Variants in CACNA1B observed in about 807,000 individuals in gnomAD.
The protein encoded by CACNA1B is calcium voltage-gated channel subunit alpha1 B.
Under a neutral mutation model 247.2 loss-of-function variants are expected in CACNA1B, and 70 were observed. The observed-to-expected ratio is 0.28, with a 90% CI of 0.23 to 0.35. The LOEUF is 0.35. Ranked by LOEUF, CACNA1B falls within the 10% of genes least tolerant of loss-of-function variation. The probability of loss-of-function intolerance (pLI) is 1.00; values close to 1 mark genes in which losing one functional copy is unlikely to be tolerated. For synonymous variants in CACNA1B, 1,231 were observed against 1,294.4 expected, an observed-to-expected ratio of 0.95 and a Z score of 1.05; for missense variants, 2,367 against 3,197.4, an observed-to-expected ratio of 0.74 and a Z score of 6.26.
chr9:137,970,481 G>C (rs886176285), intron 10 of CACNA1B, among the ~76,000 whole-genome samples: 2 of 152,158 alleles, frequency 1.3e-5, no homozygotes, highest in African/African-American at 4.8e-5. Flanking sequence ...AAGACAATGT[G>C]GCCCTGTCCT....
intron 36 of CACNA1B, among the ~76,000 whole-genome samples, chr9:138,085,908 C>T (rs1030517051): frequency 6.6e-6 from 1 of 151,274 alleles, no homozygotes; most frequent in Admixed American, 6.6e-5. Flanking sequence ...GGGAGTCCTA[C>T]ATCTGGAAGC....
At chr9:137,937,543 G>A (rs535958521) in intron 6 of CACNA1B, among the ~76,000 whole-genome samples, 47 of 152,272 alleles carry the variant, frequency 3.1e-4, no homozygotes, top group Admixed American at 2.8e-3. Context: ...AACTTCCCTA[G>A]CCTTGCTAGA....
intron 39 of CACNA1B, among the ~76,000 whole-genome samples, chr9:138,109,231 A>C (rs1011510699): frequency 6.6e-6 from 1 of 152,238 alleles, no homozygotes; most frequent in Non-Finnish European, 1.5e-5. Flanking sequence ...AAAGGCAATT[A>C]ATGGAGAAAA....
intron 18 of CACNA1B, among the ~76,000 whole-genome samples, chr9:138,015,323 GA>G (rs1388660624): frequency 1.3e-5 from 2 of 152,158 alleles, no homozygotes; most frequent in Non-Finnish European, 2.9e-5. Flanking sequence ...GACCCTGCAG[GA>G]ATCAACCTTG....
chr9:137,951,934 G>T (rs1005706260), intron 6 of CACNA1B, among the ~76,000 whole-genome samples: 1 of 152,192 alleles, frequency 6.6e-6, no homozygotes, highest in African/African-American at 2.4e-5. Context: ...GCAGAGGTTG[G>T]GTGCTCATGC....
At chr9:137,903,245 G>T (rs1384259675) in intron 3 of CACNA1B, among the ~76,000 whole-genome samples, 4 of 152,120 alleles carry the variant, frequency 2.6e-5, no homozygotes, top group Admixed American at 6.5e-5. Context: ...AATTAGCCAG[G>T]CATGGTGGTG....
rs1017038769 is a variant in CACNA1B at position 138,120,037 on chromosome 9, T to C, written c.6031-128T>C. On this transcript the variant is annotated intron_variant, in intron 44 of 46. Transcript: ENST00000371372. ...CTACCATTTCAGGCCTGGGTCCTTC[T>C]GACTGTGAGACCAGGATGGGGGGCG... The C allele has an allele frequency of 3.8e-6, 3 of 795,166 alleles. No homozygotes were observed. The Admixed American group carries it at 7.7e-5, about 20-fold the overall frequency. 49.3% of individuals were successfully genotyped at this position (795,166 alleles called of 1,614,324 possible). A position where few individuals can be genotyped will look rare whatever the true frequency, so the allele number is the denominator to read the frequency against.
intron 6 of CACNA1B, among the ~76,000 whole-genome samples, chr9:137,930,682 G>A (rs1484832119): frequency 1.3e-5 from 2 of 152,274 alleles, no homozygotes; most frequent in African/African-American, 4.8e-5. Flanking sequence ...AGAGAGAGGT[G>A]TAGAAGTCTC....
At chr9:138,093,403 CAAAAAAAAAAA>C (rs58608297) in intron 36 of CACNA1B, among the ~76,000 whole-genome samples, 3 of 43,256 alleles carry the variant, frequency 6.9e-5, no homozygotes, top group Non-Finnish European at 1.0e-4. Flanking sequence ...GACTCTGTCT[CAAAAAAAAAAA>C]AAAAAAAAAA....
At position 137,950,801 on chromosome 9, in the gene CACNA1B, C is replaced by T. The variant is rs115139232; in HGVS notation, c.967-1473C>T. Among the ~76,000 whole-genome samples the T allele has an allele frequency of 3.0e-3, 452 of 152,328 alleles. 3 individuals are homozygous for T. Among genetic ancestry groups the T allele is most frequent in the African/African-American group, 0.01 (423 of 41,568 alleles). On this transcript the variant is annotated intron_variant, in intron 6 of 46. Transcript: ENST00000371372. This position sits in a 1 kb window ranked among gnomAD's most constrained non-coding sequence, Gnocchi z 4.8. The stretch of plus-strand genomic sequence containing the variant: ...ATATCCTGGGGTCCTAGCTAGTCTG[C>T]TCTATTTTCTCCATCTTTCAGAGTC...
At chr9:137,879,721 T>C (rs1470508862) in intron 2 of CACNA1B, among the ~76,000 whole-genome samples, 1 of 152,198 alleles carries the variant, frequency 6.6e-6, no homozygotes, top group Non-Finnish European at 1.5e-5. Context: ...GCCCCCGTGG[T>C]AGCCCCCATT....
intron 36 of CACNA1B, among the ~76,000 whole-genome samples, chr9:138,086,926 G>A (rs542954887): frequency 6.6e-6 from 1 of 151,014 alleles, no homozygotes; most frequent in East Asian, 2.0e-4. Flanking sequence ...CACAAAACAA[G>A]TCTCAACAAA....
In CACNA1B at chr9:138,026,659, T is replaced by C. The variant is rs140734119; in HGVS notation, c.3286+1487T>C. ...GTCTGTCTTTTGGGCATACCACAGT[T>C]TATTTATTCACCTATTGAAGGACAT... On this transcript the variant is annotated intron_variant, in intron 20 of 46. Coordinates refer to ENST00000371372, the MANE Select transcript of CACNA1B (RefSeq NM_000718.4). Among the ~76,000 whole-genome samples the C allele has an allele frequency of 4.9e-3, 740 of 152,346 alleles. 4 individuals carry two copies. The highest frequency in any genetic ancestry group is 7.4e-3 in the Non-Finnish European group (504 of 68,032).
Position 138,009,993 on chromosome 9 carries a change from C to T in CACNA1B, c.2093-17C>T, listed in dbSNP as rs773990382. On this transcript the variant is annotated splice_polypyrimidine_tract_variant and intron_variant, in intron 16 of 46. Coordinates refer to ENST00000371372, the MANE Select transcript of CACNA1B (RefSeq NM_000718.4). ...CATGTGGGGCAGAGGTTCCCTTCCT[C>T]AGCTGGACCCAACCAGACACTCTGC... The T allele has an allele frequency of 1.9e-6, 3 of 1,610,338 alleles. No individual in the cohort carries two copies. Among genetic ancestry groups the T allele is most frequent in the Non-Finnish European group, 2.5e-6 (3 of 1,176,780 alleles).
chr9:137,911,239 C>G (rs117925844), intron 3 of CACNA1B, among the ~76,000 whole-genome samples: 4,518 of 152,128 alleles, frequency 0.03, 92 homozygotes, highest in South Asian at 0.08. Context: ...ACCTTTTCTA[C>G]CTGTTTTTGT....
intron 10 of CACNA1B, among the ~76,000 whole-genome samples, chr9:137,958,388 ATGCATGTAGAGT>A (rs1195690146): frequency 5.3e-5 from 8 of 152,190 alleles, no homozygotes; most frequent in Non-Finnish European, 1.2e-4. Context: ...ACACACAAAT[ATGCATGTAGAGT>A]TTTGGAGTCT....
chr9:138,038,223 A>T (rs970726811), intron 20 of CACNA1B, among the ~76,000 whole-genome samples: 1 of 152,154 alleles, frequency 6.6e-6, no homozygotes, highest in Non-Finnish European at 1.5e-5. Flanking sequence ...AAATTGTCCT[A>T]TCTTGGCCAA....
At position 138,078,188 on chromosome 9, in the gene CACNA1B, A is replaced by G. The variant is rs199497750; in HGVS notation, c.5024A>G (p.Asn1675Ser). ...AACCAGGCCTGTGATGAGCAGGCCA[A>G]TGCCACCGAGTGTGGAAGTGACTTT... The part of the protein sequence containing the change: ...LSNQACDEQA[N>S]ATECGSDFAY... Residue 1675 changes from asparagine to serine, a missense_variant, in exon 36 of 47, where the codon AAT (asparagine) becomes AGT (serine). By Grantham distance (46) the Asn-to-Ser change is conservative. Around this residue, in one of 12 missense-constraint regions of CACNA1B, gnomAD observed 436 missense variants for 679.5 expected, o/e 0.64. Coordinates refer to ENST00000371372, the MANE Select transcript of CACNA1B (RefSeq NM_000718.4). 6.2e-6 allele frequency: 10 copies of G among 1,613,738 alleles called. No homozygotes were observed. The highest frequency in any genetic ancestry group is 2.2e-5 in the East Asian group (1 of 44,890).
At chr9:138,041,933 A>G (rs1368410334) in intron 20 of CACNA1B, among the ~76,000 whole-genome samples, 1 of 151,840 alleles carries the variant, frequency 6.6e-6, no homozygotes, top group African/African-American at 2.4e-5. Flanking sequence ...TTAATTTTAA[A>G]TTTTTTTGTA....
Sources: allele counts gnomAD v4.1 joint callset (sites outside exome capture counted in the v4.1 genomes callset), GRCh38; gene constraint gnomAD v4.1.1; regional missense constraint gnomAD v4.1.1; non-coding constraint Gnocchi (gnomAD v3.1); transcripts MANE v1.5; gene names NCBI Gene and HGNC (gene_info 2026-07-23, HGNC 2026-07-21).